ASTN2: variants seen among roughly 807,000 people sequenced by gnomAD.
The protein encoded by ASTN2 is astrotactin 2, also known as astrotactin-2.
ASTN2 carries 54 observed loss-of-function variants against 139.8 expected under a neutral mutation model. The ratio of observed to expected loss-of-function variants is 0.39; its 90% CI spans 0.31 to 0.48. ASTN2 has a LOEUF of 0.48. ASTN2 is among the 20% of genes least tolerant of loss of function. ASTN2 has a pLI of 0.95. For missense variants in ASTN2, 1,565 were observed against 1,725.1 expected (o/e 0.91, Z 1.64); for synonymous variants, 756 against 719.5 (o/e 1.05, Z -0.81).
intron 4 of ASTN2, among the ~76,000 whole-genome samples, chr9:117,130,635 G>T (rs1231903313): frequency 6.6e-6 from 1 of 152,168 alleles, no homozygotes; most frequent in Non-Finnish European, 1.5e-5. Context: ...TATTTTGTGT[G>T]TATGGAACAG....
At chr9:116,840,519 C>T (rs1288705660) in intron 11 of ASTN2, among the ~76,000 whole-genome samples, 1 of 122,876 alleles carries the variant, frequency 8.1e-6, no homozygotes, top group Non-Finnish European at 1.7e-5. Context: ...ACCCCCCCCA[C>T]CTCCCTCCTG....
At chr9:116,517,840 A>G (rs779966939) in intron 19 of ASTN2, among the ~76,000 whole-genome samples, 7 of 152,202 alleles carry the variant, frequency 4.6e-5, no homozygotes, top group Non-Finnish European at 7.3e-5. Context: ...AATCAAGGAC[A>G]CGCTTAGAGA....
intron 10 of ASTN2, among the ~76,000 whole-genome samples, chr9:116,964,256 TGC>T (rs1289773313): frequency 0.11 from 10,717 of 98,512 alleles, 426 homozygotes; most frequent in Admixed American, 0.15. Context: ...TGTGTGTGTG[TGC>T]GCGCGCGCGC....
chr9:117,222,170 A>T (rs1403801513), intron 2 of ASTN2, among the ~76,000 whole-genome samples: 1 of 151,974 alleles, frequency 6.6e-6, no homozygotes, highest in African/African-American at 2.4e-5. Context: ...TAAGGCACAC[A>T]TGGAAACTGA....
At position 116,531,211 on chromosome 9, in the gene ASTN2, T is replaced by C. The variant is rs190429681; in HGVS notation, c.3356-43711A>G. ...TGTGTTTGTCCATGTTCTTGTCTTCTGGCCTACTAGGCTATAATCTCCAAA... is the reference window on the plus strand; with the variant it reads ...TGTGTTTGTCCATGTTCTTGTCTTCCGGCCTACTAGGCTATAATCTCCAAA... On this transcript the variant is annotated intron_variant, in intron 19 of 22. Transcript: ENST00000313400. 3.9e-3 allele frequency among the ~76,000 whole-genome samples: 597 copies of C among 152,320 alleles called. 4 individuals carry two copies. The highest frequency in any genetic ancestry group is 0.014 in the African/African-American group (575 of 41,588).
chr9:117,132,729 C>G (rs368984741), intron 4 of ASTN2, among the ~76,000 whole-genome samples: 48 of 152,218 alleles, frequency 3.2e-4, no homozygotes, highest in African/African-American at 1.1e-3. Context: ...TGGTGGTACT[C>G]TCCCCGGCTG....
intron 13 of ASTN2, among the ~76,000 whole-genome samples, chr9:116,789,170 A>G (rs1247967722): frequency 6.6e-6 from 1 of 152,220 alleles, no homozygotes; most frequent in Non-Finnish European, 1.5e-5. Flanking sequence ...ATGACAAGTA[A>G]GAACAATCAC....
chr9:116,590,564 C>T (rs1054598563), intron 19 of ASTN2, among the ~76,000 whole-genome samples: 16 of 152,328 alleles, frequency 1.1e-4, no homozygotes, highest in Middle Eastern at 3.4e-3. Flanking sequence ...CAGAGAGTTT[C>T]CTGTGTGGAA....
intron 19 of ASTN2, among the ~76,000 whole-genome samples, chr9:116,562,464 C>T (rs529092269): frequency 2.6e-5 from 4 of 151,958 alleles, no homozygotes; most frequent in East Asian, 1.9e-4. Context: ...GGGCTGGGCA[C>T]GGTGGCTCAC....
At chr9:116,482,142 C>T (rs113078318) in intron 20 of ASTN2, among the ~76,000 whole-genome samples, 27 of 152,244 alleles carry the variant, frequency 1.8e-4, no homozygotes, top group African/African-American at 5.3e-4. Flanking sequence ...CTGGCTAACA[C>T]GGTGAAACCC....
At position 117,060,322 on chromosome 9, in the gene ASTN2, G is replaced by GAAA. The variant is rs1194354600; in HGVS notation, c.1277-20360_1277-20358dup. On this transcript the variant is annotated intron_variant, in intron 5 of 22. Coordinates refer to ENST00000313400, the MANE Select transcript of ASTN2 (RefSeq NM_001365068.1). ...CAAGACTCTGTCAAAAAAGAAAAAA[G>GAAA]AAAGAAAGAAAGAAAGAAAGAGAGA... Among the ~76,000 whole-genome samples, 212 of 68,686 alleles carry GAAA rather than the reference G, an allele frequency of 3.1e-3. 15 individuals are homozygous for GAAA. The highest frequency in any genetic ancestry group is 7.2e-3 in the Middle Eastern group (1 of 138). The allele number at this position is 68,686 out of a possible 152,430, so 45.1% of individuals were successfully genotyped here.
At chr9:116,447,716 G>C (rs1039657184) in intron 20 of ASTN2, among the ~76,000 whole-genome samples, 1 of 152,210 alleles carries the variant, frequency 6.6e-6, no homozygotes, top group Non-Finnish European at 1.5e-5. Flanking sequence ...GAATAAAAGA[G>C]AGTGCAGCAT....
intron 11 of ASTN2, among the ~76,000 whole-genome samples, chr9:116,824,757 G>A (rs968499574): frequency 6.6e-6 from 1 of 152,212 alleles, no homozygotes. Context: ...TGAAATAAAT[G>A]TATGCAGTAC....
chr9:116,666,368 G>A lies in ASTN2; in HGVS notation c.2807-14575C>T, dbSNP rs1858862136. 2.0e-5 allele frequency among the ~76,000 whole-genome samples: 3 copies of A among 152,172 alleles called. No individual in the cohort carries two copies. The South Asian group carries it at 6.2e-4, about 32-fold the overall frequency. Reference sequence around the variant, plus strand: ...CCTTTATTTTTAGTATCTTATCATTGCAATGTACTATTTCCTTAAATTATG... The same window carrying A: ...CCTTTATTTTTAGTATCTTATCATTACAATGTACTATTTCCTTAAATTATG... On this transcript the variant is annotated intron_variant, in intron 16 of 22. Coordinates refer to ENST00000313400, the MANE Select transcript of ASTN2 (RefSeq NM_001365068.1).
At chr9:117,368,269 A>G (rs1044497646) in intron 1 of ASTN2, among the ~76,000 whole-genome samples, 6 of 151,986 alleles carry the variant, frequency 3.9e-5, no homozygotes, top group Non-Finnish European at 8.8e-5. Flanking sequence ...GTGGGTGTGC[A>G]TGCACATGCG....
intron 4 of ASTN2, among the ~76,000 whole-genome samples, chr9:117,139,661 C>T (rs1005213189): frequency 6.6e-6 from 1 of 152,148 alleles, no homozygotes; most frequent in Admixed American, 6.5e-5. Flanking sequence ...TGATTTAGGC[C>T]AGGAATGTAA....
At chr9:117,027,764 T>G (rs573936965) in intron 6 of ASTN2, among the ~76,000 whole-genome samples, 295 of 152,322 alleles carry the variant, frequency 1.9e-3, no homozygotes, top group Non-Finnish European at 3.5e-3. Context: ...CCTTCCATAG[T>G]AGCCTTTTGC....
rs145525063 is a variant in ASTN2 at position 116,445,078 on chromosome 9, A to T, written c.3498-2525T>A. On this transcript the variant is annotated intron_variant, in intron 20 of 22. Transcript: ENST00000313400. ...TGCTAGCATGCATGACTCATAGTGC[A>T]TACACTTCGGCTTGGGTACAGCTAT... Among the ~76,000 whole-genome samples the T allele has an allele frequency of 2.3e-3, 353 of 152,318 alleles. 1 individual carries two copies. The highest frequency in any genetic ancestry group is 8.3e-3 in the African/African-American group (346 of 41,564).
chr9:117,273,568 A>G (rs1834115003), intron 2 of ASTN2, among the ~76,000 whole-genome samples: 1 of 152,220 alleles, frequency 6.6e-6, no homozygotes, highest in Admixed American at 6.5e-5. Context: ...ACAAAGTTTT[A>G]CTGATGCACA....
Sources: allele counts gnomAD v4.1 joint callset (sites outside exome capture counted in the v4.1 genomes callset), GRCh38; gene constraint gnomAD v4.1.1; transcripts MANE v1.5; gene names NCBI Gene and HGNC (gene_info 2026-07-23, HGNC 2026-07-21).